The following ZNF385D variants were observed in gnomAD, a reference collection of about 807,000 sequenced individuals.
ZNF385D encodes zinc finger protein 385D.
ZNF385D carries 15 observed loss-of-function variants against 35.8 expected under a neutral mutation model. The ratio of observed to expected loss-of-function variants is 0.42; its 90% CI spans 0.28 to 0.64. The LOEUF (loss-of-function observed/expected upper bound fraction) is 0.64. ZNF385D is among the 30% of genes least tolerant of loss of function. The probability of loss-of-function intolerance (pLI) is 0.23; values close to 1 mark genes in which losing one functional copy is unlikely to be tolerated. For synonymous variants in ZNF385D, 212 were observed against 186.8 expected, an observed-to-expected ratio of 1.13 and a Z score of -1.10; for missense variants, 474 against 494.6, an observed-to-expected ratio of 0.96 and a Z score of 0.39.
In ZNF385D at chr3:21,485,786, T is replaced by C. The variant is rs557871992; in HGVS notation, c.439+25075A>G. On this transcript the variant is annotated intron_variant, in intron 4 of 7. Transcript: ENST00000281523. ...ATTGCATTATTGATCATCCTCCCTA[T>C]GATTTGTTACTTGACAGATGAAGAA... Among the ~76,000 whole-genome samples, 4 of 152,238 alleles carry C rather than the reference T, an allele frequency of 2.6e-5. No homozygotes were observed. The South Asian group carries it at 6.2e-4, about 24-fold the overall frequency.
intron 3 of ZNF385D, among the ~76,000 whole-genome samples, chr3:21,536,504 T>C (rs1055159654): frequency 1.3e-5 from 2 of 152,094 alleles, no homozygotes; most frequent in African/African-American, 4.8e-5. Flanking sequence ...TTTTAGAGCT[T>C]AAATAAAAGA....
intron 3 of ZNF385D, among the ~76,000 whole-genome samples, chr3:21,967,776 G>A (rs1010602847): frequency 2.0e-5 from 3 of 152,218 alleles, no homozygotes; most frequent in African/African-American, 7.2e-5. Context: ...AATGGCAAAT[G>A]AGGTTCCTAA....
chr3:21,574,623 TACCA>T (rs1371827311), intron 2 of ZNF385D, among the ~76,000 whole-genome samples: 1 of 152,112 alleles, frequency 6.6e-6, no homozygotes, highest in African/African-American at 2.4e-5. Flanking sequence ...GTGAAATATA[TACCA>T]ACAAAATGAT....
At chr3:21,838,496 T>C (rs1191374544) in intron 3 of ZNF385D, among the ~76,000 whole-genome samples, 1 of 152,102 alleles carries the variant, frequency 6.6e-6, no homozygotes, top group Non-Finnish European at 1.5e-5. Context: ...TAAGACCTTT[T>C]TGCCTAGAAT....
At chr3:21,755,514 C>G (rs1433993925), upstream of ZNF385D, among the ~76,000 whole-genome samples, 1 of 152,178 alleles carries the variant, frequency 6.6e-6, no homozygotes, top group African/African-American at 2.4e-5. Flanking sequence ...CTGAAGCAAT[C>G]TGTAATCAAT....
intron 2 of ZNF385D, among the ~76,000 whole-genome samples, chr3:22,330,594 AC>A (rs1169415624): frequency 6.6e-6 from 1 of 152,170 alleles, no homozygotes; most frequent in Non-Finnish European, 1.5e-5. Flanking sequence ...AGATCACCTA[AC>A]AAAATGCTTC....
At chr3:21,602,441 T>G (rs1235117890) in intron 2 of ZNF385D, among the ~76,000 whole-genome samples, 1 of 151,436 alleles carries the variant, frequency 6.6e-6, no homozygotes, top group East Asian at 1.9e-4. Context: ...AATGCAGTGA[T>G]GGAGACCCAA....
chr3:22,342,063 C>G (rs1335196649), intron 2 of ZNF385D, among the ~76,000 whole-genome samples: 1 of 151,968 alleles, frequency 6.6e-6, no homozygotes, highest in Non-Finnish European at 1.5e-5. Flanking sequence ...ATCACGAGGT[C>G]AGGAAATCGA....
intron 3 of ZNF385D, among the ~76,000 whole-genome samples, chr3:21,824,792 G>C (rs761339973): frequency 2.6e-5 from 4 of 152,112 alleles, no homozygotes; most frequent in African/African-American, 7.2e-5. Context: ...AAATATTTTA[G>C]AGCATTTAAG....
chr3:21,505,938 T>C (rs1706742076), intron 4 of ZNF385D, among the ~76,000 whole-genome samples: 1 of 152,136 alleles, frequency 6.6e-6, no homozygotes, highest in South Asian at 2.1e-4. Context: ...AAATTCCTGT[T>C]TTATCTCTCC....
At chr3:22,225,269 TATATCCCGTC>T (rs1698486796) in intron 2 of ZNF385D, among the ~76,000 whole-genome samples, 1 of 152,258 alleles carries the variant, frequency 6.6e-6, no homozygotes, top group Non-Finnish European at 1.5e-5. Context: ...GTGCCCCATG[TATATCCCGTC>T]ACCCTTGCTA....
chr3:21,714,877 A>G (rs1163209187), intron 1 of ZNF385D, among the ~76,000 whole-genome samples: 2 of 152,202 alleles, frequency 1.3e-5, no homozygotes, highest in South Asian at 2.1e-4. Context: ...TAAGACACAC[A>G]TGCATATTAA....
intron 3 of ZNF385D, chr3:21,562,052 C>G (rs192031922): frequency 5.7e-5 from 5 of 87,572 alleles, no homozygotes; most frequent in Non-Finnish European, 1.0e-4. Context: ...GTCCATATCT[C>G]CAAATACCTT....
chr3:22,134,771 A>C (rs987666396), intron 3 of ZNF385D, among the ~76,000 whole-genome samples: 1 of 152,114 alleles, frequency 6.6e-6, no homozygotes, highest in African/African-American at 2.4e-5. Flanking sequence ...CTGTTGCTTC[A>C]TACCATGGCA....
intron 3 of ZNF385D, among the ~76,000 whole-genome samples, chr3:21,903,590 A>T (rs545307293): frequency 3.9e-4 from 59 of 152,308 alleles, no homozygotes; most frequent in African/African-American, 1.1e-3. Flanking sequence ...TGATGATTGC[A>T]GTGGTATAAA....
At chr3:21,789,525 T>C (rs1206777364) in intron 3 of ZNF385D, among the ~76,000 whole-genome samples, 1 of 152,102 alleles carries the variant, frequency 6.6e-6, no homozygotes, top group Non-Finnish European at 1.5e-5. Context: ...CACACACATA[T>C]ACACATGTGT....
intron 3 of ZNF385D, among the ~76,000 whole-genome samples, chr3:22,162,786 T>G (rs1245970548): frequency 2.6e-5 from 4 of 152,212 alleles, no homozygotes; most frequent in Admixed American, 6.6e-5. Context: ...AATTGACCTC[T>G]CTATGGTCAA....
At chr3:21,844,829 G>T (rs941170017) in intron 3 of ZNF385D, among the ~76,000 whole-genome samples, 13 of 151,952 alleles carry the variant, frequency 8.6e-5, no homozygotes, top group Admixed American at 2.0e-4. Flanking sequence ...TTTCAGAGTT[G>T]CCTTGTTCAA....
intron 2 of ZNF385D, among the ~76,000 whole-genome samples, chr3:22,266,322 C>T (rs937355279): frequency 1.3e-5 from 2 of 151,886 alleles, no homozygotes; most frequent in Admixed American, 6.6e-5. Context: ...CTCAGGCTCA[C>T]AGTATTTCTT....
Sources: allele counts gnomAD v4.1 joint callset (sites outside exome capture counted in the v4.1 genomes callset), GRCh38; gene constraint gnomAD v4.1.1; transcripts MANE v1.5; gene names NCBI Gene and HGNC (gene_info 2026-07-23, HGNC 2026-07-21).